The following SFSWAP variants were observed in gnomAD, a reference collection of about 807,000 sequenced individuals.
SFSWAP encodes the protein splicing factor SWAP, also known as splicing factor, suppressor of white-apricot homolog.
SFSWAP carries 17 observed loss-of-function variants against 100.7 expected under a neutral mutation model. The ratio of observed to expected loss-of-function variants is 0.17; its 90% CI spans 0.12 to 0.25. The LOEUF is 0.25. Ranked by LOEUF, SFSWAP falls within the 10% of genes least tolerant of loss-of-function variation. The probability of loss-of-function intolerance (pLI) is 1.00; values close to 1 mark genes in which losing one functional copy is unlikely to be tolerated. For missense variants in SFSWAP, 1,005 were observed against 1,262.6 expected (o/e 0.80, Z 3.09); for synonymous variants, 504 against 510.1 (o/e 0.99, Z 0.16).
Position 131,799,476 on chromosome 12 carries a change from C to T in SFSWAP, c.2844C>T (p.Thr948=), listed in dbSNP as rs765770430. The T allele has an allele frequency of 3.1e-6, 5 of 1,614,044 alleles. No homozygotes were observed. The highest frequency in any genetic ancestry group is 4.2e-6 in the Non-Finnish European group (5 of 1,179,920). ...TTGCAGCTTCCAAAAACCTGCAAACCAGCGCTTCCTGAGACGGGGCCAGCG... is the reference window on the plus strand; with the variant it reads ...TTGCAGCTTCCAAAAACCTGCAAACTAGCGCTTCCTGAGACGGGGCCAGCG... ...AMLAASKNLQ[T]SAS is the part of the protein sequence containing the mutation. Residue 948 remains threonine (T), a synonymous_variant, in exon 18 of 18, where the codon ACC becomes ACT. Coordinates refer to ENST00000261674, the MANE Select transcript of SFSWAP (RefSeq NM_004592.4).
rs377431579 is a variant in SFSWAP, at chr12:131,785,397, C to T, written c.2409-1066C>T. 27 of 536,434 alleles carry T rather than the reference C, an allele frequency of 5.0e-5. No individual in the cohort carries two copies. In the Middle Eastern group the frequency reaches 9.7e-4, roughly 19 times the overall value. 33.2% of individuals were successfully genotyped at this position (536,434 alleles called of 1,614,324 possible). A position where few individuals can be genotyped will look rare whatever the true frequency, so the allele number is the denominator to read the frequency against. On this transcript the variant is annotated intron_variant, in intron 14 of 17. Transcript: ENST00000261674. ...GCAGAAGCACAGCCTGTGGCATTTG[C>T]GGTTTATTGTCATGAAAATGATTCA...
chr12:131,715,096 T>A, intron 3 of SFSWAP, 143 bp downstream of exon 3: 2 of 739,012 alleles, frequency 2.7e-6, no homozygotes, highest in Non-Finnish European at 2.1e-6. Flanking sequence ...GGAGTGATAT[T>A]CCTTCTTTTG....
rs1397985159 is a variant in SFSWAP, at chr12:131,725,411, A to T, written c.613A>T (p.Thr205Ser). The T allele has an allele frequency of 6.2e-7, 1 of 1,613,970 alleles. No individual in the cohort carries two copies. The highest frequency in any genetic ancestry group is 8.5e-7 in the Non-Finnish European group (1 of 1,180,010). Residue 205 changes from threonine to serine, a missense_variant, in exon 5 of 18, where the codon ACC becomes TCC. By Grantham distance (58) the Thr-to-Ser change is moderately conservative. Around this residue, in one of 7 missense-constraint regions of SFSWAP, gnomAD observed 237 missense variants for 337.0 expected, o/e 0.70. Coordinates refer to ENST00000261674, the MANE Select transcript of SFSWAP (RefSeq NM_004592.4). The surrounding 1 kb of genome is among the most constrained non-coding windows in gnomAD (Gnocchi z 4.3). ...SVPSDVELPPTAKMHAIIERT... is the reference protein window; with the variant it reads ...SVPSDVELPPSAKMHAIIERT... ...TATGTGTGTTTTCCCGTAGCCACCA[A>T]CCGCTAAAATGCACGCCATCATCGA...
intron 12 of SFSWAP, among the ~76,000 whole-genome samples, chr12:131,765,141 C>T (rs1265936157): frequency 1.3e-5 from 2 of 152,236 alleles, no homozygotes; most frequent in Admixed American, 6.5e-5. Flanking sequence ...GGCTCATCTT[C>T]ATGGGCCGCA....
At chr12:131,764,314 C>T (rs1882928888) in intron 11 of SFSWAP, 142 bp from the exon 12 acceptor site, 1 of 658,966 alleles carries the variant, frequency 1.5e-6, no homozygotes, top group Non-Finnish European at 2.6e-6. Context: ...GACGGCACGG[C>T]GTCCCCCACC....
rs1373338611 is a variant in SFSWAP at position 131,734,514 on chromosome 12, G to C, written c.1081+6086G>C. ...TGTGTTACCACACTTCTGTTTTAGA[G>C]CCTGTTACGGTTTTGAGTTACACAG... On this transcript the variant is annotated intron_variant, in intron 7 of 17. Coordinates refer to ENST00000261674, the MANE Select transcript of SFSWAP (RefSeq NM_004592.4). The surrounding 1 kb of genome is among the most constrained non-coding windows in gnomAD (Gnocchi z 4.9). Among the ~76,000 whole-genome samples, 2 of 152,296 alleles carry C rather than the reference G, an allele frequency of 1.3e-5. No homozygotes were observed. The highest frequency in any genetic ancestry group is 3.9e-4 in the East Asian group (2 of 5,172).
At chr12:131,775,733 G>A (rs929716106) in intron 13 of SFSWAP, among the ~76,000 whole-genome samples, 2 of 152,044 alleles carry the variant, frequency 1.3e-5, no homozygotes, top group African/African-American at 4.8e-5. Flanking sequence ...CCAGAGTGGG[G>A]GTGTTCTTGG....
intron 7 of SFSWAP, among the ~76,000 whole-genome samples, chr12:131,743,458 G>A (rs745987632): frequency 1.3e-5 from 2 of 152,220 alleles, no homozygotes; most frequent in Non-Finnish European, 2.9e-5. Flanking sequence ...ATCTAGCAAG[G>A]CAGTCAAATC....
chr12:131,726,138 GT>G (rs553103269), intron 5 of SFSWAP, among the ~76,000 whole-genome samples: 3 of 151,714 alleles, frequency 2.0e-5, no homozygotes, highest in Non-Finnish European at 4.4e-5. Context: ...AATAAAGATG[GT>G]ATTTTGACAA....
rs145103867 is a variant in SFSWAP at position 131,754,472 on chromosome 12, C to A, written c.1427C>A (p.Thr476Asn). The A allele has an allele frequency of 1.1e-5, 17 of 1,600,970 alleles. No individual in the cohort carries two copies. Among genetic ancestry groups the A allele is most frequent in the Non-Finnish European group, 1.2e-5 (14 of 1,175,108 alleles). Residue 476 changes from threonine to asparagine, a missense_variant, in exon 9 of 18, where the codon ACC (threonine) becomes AAC (asparagine). Thr to Asn is a moderately conservative substitution (Grantham distance 65). Transcript: ENST00000261674. Reference sequence around the variant, plus strand: ...GCCAGGAACGGCCTGAAGTTCGAGACCAGTGTTCGTGCCAAGAATGATCAA... The same window carrying A: ...GCCAGGAACGGCCTGAAGTTCGAGAACAGTGTTCGTGCCAAGAATGATCAA... ...YVARNGLKFE[T>N]SVRAKNDQRF...
intron 4 of SFSWAP, among the ~76,000 whole-genome samples, chr12:131,721,095 C>T (rs1878432274): frequency 6.6e-6 from 1 of 152,134 alleles, no homozygotes; most frequent in South Asian, 2.1e-4. Context: ...AGGTGCTACA[C>T]ACTTTCAAAT....
chr12:131,737,880 AATTT>A (rs1429765584), intron 7 of SFSWAP, among the ~76,000 whole-genome samples: 1 of 152,036 alleles, frequency 6.6e-6, no homozygotes, highest in African/African-American at 2.4e-5. Flanking sequence ...TAAAACTAAC[AATTT>A]ATTTCATTTA....
At chr12:131,720,440 T>C (rs549839401) in intron 4 of SFSWAP, among the ~76,000 whole-genome samples, 3 of 152,334 alleles carry the variant, frequency 2.0e-5, no homozygotes, top group African/African-American at 7.2e-5. Flanking sequence ...CTGGGAAGGT[T>C]GAAAATCTTT....
At position 131,756,551 on chromosome 12, in the gene SFSWAP, G is replaced by C. The variant is rs1566032204; in HGVS notation, c.1627G>C (p.Glu543Gln). 1 of 1,614,036 alleles carries C rather than the reference G, an allele frequency of 6.2e-7. No homozygotes were observed. The highest frequency in any genetic ancestry group is 1.3e-5 in the African/African-American group (1 of 75,058). Residue 543 changes from glutamate (E) to glutamine (Q), a missense_variant, in exon 11 of 18, where the codon GAA (glutamate) becomes CAA (glutamine). Glu to Gln is a conservative substitution (Grantham distance 29). Around this residue, in one of 7 missense-constraint regions of SFSWAP, gnomAD observed 311 missense variants for 317.8 expected, o/e 0.98. Coordinates refer to ENST00000261674, the MANE Select transcript of SFSWAP (RefSeq NM_004592.4). The part of the protein sequence containing the change: ...PSDAGEDGAP[E>Q]DAAEVGARAG... The stretch of plus-strand genomic sequence containing the variant: ...TGATGCTGGGGAGGATGGCGCGCCT[G>C]AAGACGCAGCCGAGGTGGGAGCACG...
intron 10 of SFSWAP, 92 bp downstream of exon 10, chr12:131,755,571 T>G: frequency 2.4e-6 from 2 of 838,124 alleles, no homozygotes; most frequent in South Asian, 3.0e-5. Context: ...CTCCTACAGG[T>G]GAAAGGGCTG....
intron 11 of SFSWAP, among the ~76,000 whole-genome samples, chr12:131,759,788 C>T (rs1040513076): frequency 5.4e-5 from 8 of 147,088 alleles, no homozygotes; most frequent in Non-Finnish European, 8.9e-5. Flanking sequence ...GGTGACAGAG[C>T]GAGACTCCGT....
Position 131,736,642 on chromosome 12 carries a change from C to T in SFSWAP, c.1081+8214C>T, listed in dbSNP as rs781032224. 5.1e-4 allele frequency among the ~76,000 whole-genome samples: 77 copies of T among 152,158 alleles called. 1 individual carries two copies. The highest frequency in any genetic ancestry group is 8.5e-4 in the Admixed American group (13 of 15,288). ...GCGCTTTGGTTCAGCTCAGCTCCAG[C>T]GAATGTTAGGATGTGAGGCTTCGTG... On this transcript the variant is annotated intron_variant, in intron 7 of 17. Transcript: ENST00000261674.
intron 6 of SFSWAP, among the ~76,000 whole-genome samples, chr12:131,727,678 G>A (rs912295519): frequency 7.2e-5 from 11 of 152,112 alleles, no homozygotes; most frequent in Non-Finnish European, 1.2e-4. Flanking sequence ...TATCATCATA[G>A]GATTGGATTT....
At position 131,714,203 on chromosome 12, in the gene SFSWAP, C is replaced by G; in HGVS notation, c.351C>G (p.Ala117=). The G allele has an allele frequency of 6.2e-7, 1 of 1,613,752 alleles. No individual in the cohort carries two copies. Among genetic ancestry groups the G allele is most frequent in the Non-Finnish European group, 8.5e-7 (1 of 1,179,770 alleles). Residue 117 remains alanine (A), a synonymous_variant, in exon 2 of 18, where the codon GCC becomes GCG. Coordinates refer to ENST00000261674, the MANE Select transcript of SFSWAP (RefSeq NM_004592.4). This position sits in a 1 kb window ranked among gnomAD's most constrained non-coding sequence, Gnocchi z 6.0. ...TGTGTGATGAAGAGAGGTATTTAGCCTTGCATACGGACTTGCTTGAGGAGG... is the reference window on the plus strand; with the variant it reads ...TGTGTGATGAAGAGAGGTATTTAGCGTTGCATACGGACTTGCTTGAGGAGG... ...EALCDEERYL[A]LHTDLLEEEA...
Sources: allele counts gnomAD v4.1 joint callset (sites outside exome capture counted in the v4.1 genomes callset), GRCh38; gene constraint gnomAD v4.1.1; regional missense constraint gnomAD v4.1.1; non-coding constraint Gnocchi (gnomAD v3.1); transcripts MANE v1.5; gene names NCBI Gene and HGNC (gene_info 2026-07-23, HGNC 2026-07-21).